TMEM144: variants seen among roughly 807,000 people sequenced by gnomAD.
The protein encoded by TMEM144 is transmembrane protein 144.
A neutral mutation model predicts 43.6 loss-of-function variants in TMEM144; 39 were observed. The ratio of observed to expected loss-of-function variants is 0.90; its 90% CI spans 0.69 to 1.17. The LOEUF (loss-of-function observed/expected upper bound fraction) is 1.17. Among genes scored for constraint, TMEM144 ranks in the 50% most tolerant of loss-of-function variants. The pLI, the probability that TMEM144 is intolerant of heterozygous loss-of-function variation, is 0.00. For synonymous variants in TMEM144, 154 were observed against 133.6 expected (o/e 1.15, Z -1.06); for missense variants, 417 against 411.9 (o/e 1.01, Z -0.11).
At chr4:158,234,592 C>G (rs755323317) in intron 7 of TMEM144, 1 of 152,044 alleles carries the variant, frequency 6.6e-6, no homozygotes, top group African/African-American at 2.4e-5. Flanking sequence ...AATATACCCC[C>G]CTTATCCACA....
rs540773498 is a variant in TMEM144 at position 158,244,634 on chromosome 4, C to T, written c.954+285C>T. Among the ~76,000 whole-genome samples, 4 of 152,238 alleles carry T rather than the reference C, an allele frequency of 2.6e-5. No individual in the cohort carries two copies. The East Asian group carries it at 7.7e-4, about 29-fold the overall frequency. The stretch of plus-strand genomic sequence containing the variant: ...GCAGTGAGTCAAGATCACGCCACTG[C>T]CCTCCAGTCTGGGCAAAAGAGCGAG... On this transcript the variant is annotated intron_variant, in intron 12 of 12. Coordinates refer to ENST00000296529, the MANE Select transcript of TMEM144 (RefSeq NM_018342.5).
intron 6 of TMEM144, among the ~76,000 whole-genome samples, chr4:158,228,639 T>C (rs1476283390): frequency 6.6e-6 from 1 of 152,120 alleles, no homozygotes; most frequent in African/African-American, 2.4e-5. Context: ...CCATGTCGCT[T>C]GGGCTGGTCG....
chr4:158,213,443 A>G (rs1734065810), intron 3 of TMEM144: 1 of 152,254 alleles, frequency 6.6e-6, no homozygotes, highest in African/African-American at 2.4e-5. Flanking sequence ...GCATCATGTA[A>G]TTAACCAGTT....
intron 12 of TMEM144, among the ~76,000 whole-genome samples, chr4:158,251,817 C>T (rs1382527428): frequency 6.6e-6 from 1 of 152,170 alleles, no homozygotes; most frequent in Non-Finnish European, 1.5e-5. Flanking sequence ...CCCCAACCCC[C>T]TTGTATGATT....
In TMEM144 at chr4:158,255,280, A is replaced by G. The variant is rs1012016070; in HGVS notation, c.*1753A>G. The G allele has an allele frequency of 2.6e-5, 4 of 151,904 alleles. No homozygotes were observed. The highest frequency in any genetic ancestry group is 4.8e-5 in the African/African-American group (2 of 41,424). 9.4% of individuals were successfully genotyped at this position (151,904 alleles called of 1,614,324 possible). On this transcript the variant is annotated 3_prime_UTR_variant, in exon 13 of 13. Transcript: ENST00000296529. Reference sequence around the variant, plus strand: ...ATAAACTTTGAATAAATTGTGATACAAAAGCTATTTTTCTCATTTAAATAT... The same window carrying G: ...ATAAACTTTGAATAAATTGTGATACGAAAGCTATTTTTCTCATTTAAATAT...
At chr4:158,225,999 C>A (rs999273506) in intron 6 of TMEM144, among the ~76,000 whole-genome samples, 1 of 152,224 alleles carries the variant, frequency 6.6e-6, no homozygotes, top group Admixed American at 6.5e-5. Context: ...TGGAGGACCA[C>A]CTTAGTGGAG....
In TMEM144 at chr4:158,253,489, T is replaced by A; in HGVS notation, c.1000T>A (p.Leu334Met). 6.2e-7 allele frequency: 1 copy of A among 1,613,932 alleles called. No homozygotes were observed. Among genetic ancestry groups the A allele is most frequent in the Non-Finnish European group, 8.5e-7 (1 of 1,179,896 alleles). The change falls in exon 13 of 13, where the codon TTG (leucine) becomes ATG (methionine). Residue 334 changes from leucine to methionine, a missense_variant. By Grantham distance (15) the Leu-to-Met change is conservative (BLOSUM62 2). Coordinates refer to ENST00000296529, the MANE Select transcript of TMEM144 (RefSeq NM_018342.5). ...LLMILAFCII[L>M]TGALCTAFSK... ...AATGATACTTGCATTTTGCATCATC[T>A]TGACTGGAGCCTTATGCACTGCTTT... is the stretch of plus-strand genomic sequence containing the variant.
intron 8 of TMEM144, among the ~76,000 whole-genome samples, chr4:158,236,134 G>C (rs147764494): frequency 1.2e-3 from 183 of 152,162 alleles, no homozygotes; most frequent in African/African-American, 4.3e-3. Flanking sequence ...ACATTTGATG[G>C]CTGCTTTAAA....
At chr4:158,232,735 T>C (rs563672567) in intron 6 of TMEM144, among the ~76,000 whole-genome samples, 166 bp from the exon 7 acceptor site, 7 of 152,336 alleles carry the variant, frequency 4.6e-5, no homozygotes, top group African/African-American at 1.7e-4. Context: ...TCTAAGAGAA[T>C]AGGAGTTCTG....
chr4:158,242,352 G>A (rs1735674027), intron 11 of TMEM144, among the ~76,000 whole-genome samples: 1 of 149,760 alleles, frequency 6.7e-6, no homozygotes, highest in Admixed American at 6.6e-5. Flanking sequence ...TTTATCCAAG[G>A]ACAACCTTAT....
At chr4:158,249,914 G>GTGTGTGTGTGTGTA (rs1736105509) in intron 12 of TMEM144, among the ~76,000 whole-genome samples, 2 of 131,006 alleles carry the variant, frequency 1.5e-5, no homozygotes, top group Non-Finnish European at 3.3e-5. Flanking sequence ...GTGTGTGTGT[G>GTGTGTGTGTGTGTA]TGTGTGTGTG....
Position 158,223,672 on chromosome 4 carries a change from C to G in TMEM144, c.413+4282C>G, listed in dbSNP as rs368359176. Among the ~76,000 whole-genome samples the G allele has an allele frequency of 2.0e-5, 3 of 152,296 alleles. No homozygotes were observed. The East Asian group carries it at 5.8e-4, about 29-fold the overall frequency. On this transcript the variant is annotated intron_variant, in intron 6 of 12. Transcript: ENST00000296529. ...GTGAGAACATGCAGTGTTTGGTTTT[C>G]TGTTCCTATGTTAGTTTGCTGAGGA...
chr4:158,217,483 G>T, intron 5 of TMEM144, 63 bp downstream of exon 5: 1 of 1,169,164 alleles, frequency 8.6e-7, no homozygotes, highest in Non-Finnish European at 1.3e-6. Flanking sequence ...TAAAGCAAGT[G>T]ATTACCGAGA....
intron 1 of TMEM144, chr4:158,210,869 G>GA (rs1733924134): frequency 1.3e-5 from 2 of 152,038 alleles, no homozygotes; most frequent in African/African-American, 4.8e-5. Context: ...AAATTACTAG[G>GA]AAAAATGTAA....
chr4:158,217,588 T>G (rs1734290604), intron 5 of TMEM144, among the ~76,000 whole-genome samples, 168 bp downstream of exon 5: 1 of 152,218 alleles, frequency 6.6e-6, no homozygotes, highest in African/African-American at 2.4e-5. Context: ...CCCTAAATTC[T>G]TAATAAGTGA....
intron 9 of TMEM144, among the ~76,000 whole-genome samples, chr4:158,238,181 A>T (rs903680584): frequency 3.3e-5 from 5 of 152,212 alleles, no homozygotes; most frequent in Admixed American, 2.0e-4. Context: ...GTTCAAAAGG[A>T]GATGAAAGTG....
At chr4:158,252,924 A>G (rs1736284183) in intron 12 of TMEM144, among the ~76,000 whole-genome samples, 1 of 152,090 alleles carries the variant, frequency 6.6e-6, no homozygotes, top group Admixed American at 6.5e-5. Context: ...CTTCAGTCAC[A>G]CTAACCTCCT....
chr4:158,234,973 A>G (rs1735268290), intron 7 of TMEM144: 1 of 152,766 alleles, frequency 6.5e-6, no homozygotes, highest in African/African-American at 2.4e-5. Context: ...GAATTTGCTC[A>G]TAATTTTTCC....
chr4:158,216,689 G>T (rs901813866), intron 4 of TMEM144, among the ~76,000 whole-genome samples: 1 of 152,116 alleles, frequency 6.6e-6, no homozygotes, highest in Non-Finnish European at 1.5e-5. Context: ...TCTTTAGGGG[G>T]TACCTTATTC....
Sources: allele counts gnomAD v4.1 joint callset (sites outside exome capture counted in the v4.1 genomes callset), GRCh38; gene constraint gnomAD v4.1.1; transcripts MANE v1.5; gene names NCBI Gene and HGNC (gene_info 2026-07-23, HGNC 2026-07-21).